The following PTPN3 variants were observed in gnomAD, a reference collection of about 807,000 sequenced individuals.
PTPN3 encodes the protein tyrosine-protein phosphatase non-receptor type 3.
In PTPN3, 96 loss-of-function variants were observed where a neutral mutation model predicts 132.7. The ratio of observed to expected loss-of-function variants is 0.72; its 90% CI spans 0.61 to 0.86. The LOEUF (loss-of-function observed/expected upper bound fraction) is 0.86. Ranked by LOEUF, PTPN3 falls within the 40% of genes least tolerant of loss-of-function variation. The probability of loss-of-function intolerance (pLI) is 0.00; values close to 1 mark genes in which losing one functional copy is unlikely to be tolerated. For missense variants in PTPN3, 1,125 were observed against 1,159.6 expected (o/e 0.97, Z 0.43); for synonymous variants, 398 against 429.0 (o/e 0.93, Z 0.89).
At chr9:109,529,823 A>AT in the PTPN3 span, among the ~76,000 whole-genome samples, 164 of 152,256 alleles carry the variant, frequency 1.1e-3, no homozygotes, top group Non-Finnish European at 2.2e-3. Flanking sequence ...CATCTAACAG[A>AT]TTTTTAAAAA....
At chr9:109,462,758 G>A (rs1032220414) in intron 2 of PTPN3, among the ~76,000 whole-genome samples, 1 of 152,042 alleles carries the variant, frequency 6.6e-6, no homozygotes, top group African/African-American at 2.4e-5. Context: ...CCATCTGTGA[G>A]GCTGATTGTT....
chr9:109,425,570 G>A (rs1031429006), intron 12 of PTPN3, among the ~76,000 whole-genome samples: 1 of 151,966 alleles, frequency 6.6e-6, no homozygotes, highest in Non-Finnish European at 1.5e-5. Flanking sequence ...AATCAGCTGG[G>A]CGTGGTGGTG....
the PTPN3 span, among the ~76,000 whole-genome samples, chr9:109,529,987 A>T: frequency 6.6e-6 from 1 of 152,108 alleles, no homozygotes; most frequent in Non-Finnish European, 1.5e-5. Flanking sequence ...GGCCTCAAGC[A>T]TTCCTCCTGC....
At chr9:109,400,094 A>AT (rs1349281530) in intron 19 of PTPN3, among the ~76,000 whole-genome samples, 3 of 151,982 alleles carry the variant, frequency 2.0e-5, no homozygotes, top group Non-Finnish European at 4.4e-5. Flanking sequence ...TGGCTGGCTA[A>AT]TTTTTTTATG....
chr9:109,478,519 CA>C (rs1397334405), intron 1 of PTPN3, among the ~76,000 whole-genome samples: 2 of 152,166 alleles, frequency 1.3e-5, no homozygotes, highest in African/African-American at 4.8e-5. Context: ...TGACCAAGGA[CA>C]GGCACCAATG....
intron 18 of PTPN3, among the ~76,000 whole-genome samples, chr9:109,404,978 GT>G (rs1564398702): frequency 6.6e-6 from 1 of 152,116 alleles, no homozygotes; most frequent in Non-Finnish European, 1.5e-5. Flanking sequence ...TCTTTCTCAG[GT>G]TTTTTCATTT....
chr9:109,433,822 T>C (rs879775311), intron 9 of PTPN3, among the ~76,000 whole-genome samples: 3 of 149,874 alleles, frequency 2.0e-5, no homozygotes, highest in Non-Finnish European at 4.4e-5. Flanking sequence ...GTGGGAGGAC[T>C]GCTTAAGCCT....
chr9:109,457,557 A>G (rs548586195), intron 2 of PTPN3, among the ~76,000 whole-genome samples, 158 bp from the exon 3 acceptor site: 3 of 152,402 alleles, frequency 2.0e-5, no homozygotes, highest in Admixed American at 2.0e-4. Flanking sequence ...GAAGCCACAC[A>G]GCACATATGG....
chr9:109,499,039 T>TC (rs773389362), upstream of PTPN3, among the ~76,000 whole-genome samples: 16 of 151,152 alleles, frequency 1.1e-4, no homozygotes, highest in Non-Finnish European at 2.2e-4. Context: ...CAGTGATTTA[T>TC]CCATTTTCAG....
intron 23 of PTPN3, 173 bp downstream of exon 23, chr9:109,383,250 T>G: frequency 8.8e-7 from 1 of 1,132,420 alleles, no homozygotes; most frequent in Non-Finnish European, 1.3e-6. Flanking sequence ...CTGTTGTGAC[T>G]AGGGCCACTG....
intron 1 of PTPN3, among the ~76,000 whole-genome samples, chr9:109,488,950 A>G (rs1847335529): frequency 6.6e-6 from 1 of 152,202 alleles, no homozygotes; most frequent in South Asian, 2.1e-4. Context: ...GCCAAAGGTC[A>G]GTGACTTAGT....
the PTPN3 span, among the ~76,000 whole-genome samples, chr9:109,522,755 T>A: frequency 6.6e-6 from 1 of 152,052 alleles, no homozygotes; most frequent in Non-Finnish European, 1.5e-5. Context: ...GCCACATGCA[T>A]GAGATGTTTA....
intron 11 of PTPN3, among the ~76,000 whole-genome samples, chr9:109,428,134 C>T (rs1017844051): frequency 3.3e-5 from 5 of 152,202 alleles, no homozygotes; most frequent in African/African-American, 1.2e-4. Flanking sequence ...GGGCTCTCTG[C>T]CAAGTGCTTT....
At chr9:109,502,123 C>A (rs551352214), upstream of PTPN3, among the ~76,000 whole-genome samples, 1 of 152,292 alleles carries the variant, frequency 6.6e-6, no homozygotes, top group South Asian at 2.1e-4. Flanking sequence ...AAAAGAGGAA[C>A]AAGAGATGAA....
chr9:109,412,299 C>T (rs534659284), intron 14 of PTPN3, among the ~76,000 whole-genome samples: 1 of 152,098 alleles, frequency 6.6e-6, no homozygotes, highest in Non-Finnish European at 1.5e-5. Context: ...GCCTCGATTT[C>T]CTGACTCAAG....
intron 19 of PTPN3, among the ~76,000 whole-genome samples, chr9:109,394,113 ACT>A (rs1387319198): frequency 6.6e-6 from 1 of 152,174 alleles, no homozygotes; most frequent in Non-Finnish European, 1.5e-5. Flanking sequence ...TTTTGGGTTG[ACT>A]CTGGCAGAAG....
Position 109,433,241 on chromosome 9 carries a change from G to C in PTPN3, c.676-80C>G, listed in dbSNP as rs1843786992. The C allele has an allele frequency of 2.6e-6, 4 of 1,565,132 alleles. No individual in the cohort carries two copies. In the African/African-American group the frequency reaches 5.5e-5, roughly 21 times the overall value. On this transcript the variant is annotated intron_variant, in intron 9 of 25. Transcript: ENST00000374541. ...CTGGTGACTTTAAAGCACCCACGCT[G>C]TTATAAATAGTCATATGTATAGGCT...
intron 1 of PTPN3, among the ~76,000 whole-genome samples, chr9:109,471,436 C>T (rs1735915063): frequency 6.6e-6 from 1 of 152,174 alleles, no homozygotes; most frequent in African/African-American, 2.4e-5. Context: ...CCACTTGCTG[C>T]AGAGATCATG....
rs115355546 is a variant in PTPN3, at chr9:109,496,864, C to G, written c.-18+1355G>C. On this transcript the variant is annotated intron_variant, in intron 1 of 25. Transcript: ENST00000374541. ...CCCAGGACACAAAGAATTATCAAACCCTAAATGTCAATAGTGCAAGGCTGA... is the reference window on the plus strand; with the variant it reads ...CCCAGGACACAAAGAATTATCAAACGCTAAATGTCAATAGTGCAAGGCTGA... 6.7e-3 allele frequency among the ~76,000 whole-genome samples: 1,015 copies of G among 152,208 alleles called. 11 individuals are homozygous for G. Among genetic ancestry groups the G allele is most frequent in the African/African-American group, 0.022 (928 of 41,510 alleles).
Sources: allele counts gnomAD v4.1 joint callset (sites outside exome capture counted in the v4.1 genomes callset), GRCh38; gene constraint gnomAD v4.1.1; transcripts MANE v1.5; gene names NCBI Gene and HGNC (gene_info 2026-07-23, HGNC 2026-07-21).